The following DOCK3 variants were observed in gnomAD, a reference collection of about 807,000 sequenced individuals.
The protein encoded by DOCK3 is dedicator of cytokinesis protein 3.
In DOCK3, 60 loss-of-function variants were observed where a neutral mutation model predicts 265.6. That is an observed-to-expected ratio of 0.23 (90% confidence interval 0.18 to 0.28). The LOEUF (loss-of-function observed/expected upper bound fraction) is 0.28, where lower values mean the gene tolerates loss of function less well. Among genes scored for constraint, DOCK3 ranks in the 10% least tolerant of loss-of-function variants. DOCK3 has a pLI of 1.00. For synonymous variants in DOCK3, 881 were observed against 938.0 expected, an observed-to-expected ratio of 0.94 and a Z score of 1.11; for missense variants, 1,981 against 2,594.3, an observed-to-expected ratio of 0.76 and a Z score of 5.14.
chr3:51,115,676 T>G (rs2083703947), intron 9 of DOCK3, among the ~76,000 whole-genome samples: 1 of 152,230 alleles, frequency 6.6e-6, no homozygotes, highest in Admixed American at 6.5e-5. Context: ...TTTTGGCTTT[T>G]GTTGCCATTG....
chr3:51,002,808 T>C (rs2078534638), intron 5 of DOCK3, among the ~76,000 whole-genome samples: 1 of 152,210 alleles, frequency 6.6e-6, no homozygotes, highest in Non-Finnish European at 1.5e-5. Flanking sequence ...CTTAATGATC[T>C]TAGACAAATT....
intron 19 of DOCK3, among the ~76,000 whole-genome samples, chr3:51,229,858 G>A (rs891657707): frequency 4.6e-5 from 7 of 152,148 alleles, no homozygotes; most frequent in African/African-American, 1.4e-4. Context: ...CAGAATATAT[G>A]TTCACAAAGT....
intron 9 of DOCK3, among the ~76,000 whole-genome samples, chr3:51,144,307 C>T (rs2085197322): frequency 6.6e-6 from 1 of 152,168 alleles, no homozygotes; most frequent in Non-Finnish European, 1.5e-5. Context: ...GCATCTTTCT[C>T]TACCATTTCA....
At chr3:50,803,882 G>A (rs1352608509) in intron 2 of DOCK3, among the ~76,000 whole-genome samples, 2 of 151,346 alleles carry the variant, frequency 1.3e-5, no homozygotes, top group East Asian at 3.9e-4. Context: ...GCCGGGCGGG[G>A]GCTGTCCCCC....
At chr3:51,017,585 C>A (rs948819056) in intron 5 of DOCK3, among the ~76,000 whole-genome samples, 15 of 151,764 alleles carry the variant, frequency 9.9e-5, no homozygotes, top group South Asian at 2.1e-4. Context: ...AGAAAATTTT[C>A]AATTTCCTTC....
intron 4 of DOCK3, among the ~76,000 whole-genome samples, chr3:50,893,645 A>C (rs1173097983): frequency 6.6e-6 from 1 of 152,036 alleles, no homozygotes; most frequent in African/African-American, 2.4e-5. Context: ...CAATATGCTC[A>C]ATATGGAATT....
chr3:50,910,439 G>A (rs918029202), intron 4 of DOCK3, among the ~76,000 whole-genome samples: 3 of 152,128 alleles, frequency 2.0e-5, no homozygotes, highest in African/African-American at 7.3e-5. Flanking sequence ...TGCACCCCAA[G>A]TCCAGCAGCT....
chr3:50,710,469 T>G (rs2036687435), intron 1 of DOCK3, among the ~76,000 whole-genome samples: 1 of 152,128 alleles, frequency 6.6e-6, no homozygotes, highest in Admixed American at 6.5e-5. Flanking sequence ...GATACCACCT[T>G]ACTCCTGCAA....
intron 14 of DOCK3, among the ~76,000 whole-genome samples, chr3:51,215,132 C>CA (rs2089712806): frequency 6.6e-6 from 1 of 152,076 alleles, no homozygotes; most frequent in Non-Finnish European, 1.5e-5. Flanking sequence ...TGTTTTGAGA[C>CA]AGTCTTACTC....
chr3:51,051,144 G>T (rs1260915513), intron 5 of DOCK3, among the ~76,000 whole-genome samples: 1 of 152,120 alleles, frequency 6.6e-6, no homozygotes, highest in African/African-American at 2.4e-5. Context: ...AGAGGGTACA[G>T]AATTTCTTTA....
At chr3:51,239,922 G>A (rs1382159773) in intron 21 of DOCK3, among the ~76,000 whole-genome samples, 1 of 151,874 alleles carries the variant, frequency 6.6e-6, no homozygotes, top group Non-Finnish European at 1.5e-5. Flanking sequence ...TCTTTTGAAT[G>A]GTTTTTTGTG....
At chr3:51,315,151 G>A (rs762583214) in intron 32 of DOCK3, 23 bp downstream of exon 32, 3 of 1,578,744 alleles carry the variant, frequency 1.9e-6, no homozygotes, top group Non-Finnish European at 1.7e-6. Context: ...GCAGTGTTCG[G>A]GGTATTCTCT....
At chr3:50,903,735 A>G (rs2107833925) in intron 4 of DOCK3, among the ~76,000 whole-genome samples, 1 of 152,176 alleles carries the variant, frequency 6.6e-6, no homozygotes, top group East Asian at 1.9e-4. Context: ...GTTTTAGTAG[A>G]AATGGTACCA....
rs762181277 is a variant in DOCK3 at position 51,356,214 on chromosome 3, C to G, written c.4375C>G (p.Pro1459Ala). Residue 1459 changes from proline (P) to alanine (A), a missense_variant, in exon 42 of 53, where the codon CCT (proline) becomes GCT (alanine). Around this residue, in one of 4 missense-constraint regions of DOCK3, gnomAD observed 1,357 missense variants for 1,866.8 expected, o/e 0.73. Transcript: ENST00000266037. ...TGTGAGGAAGTTCCGGTATGACAGG[C>G]CTTTTCACAAAGGCCCCAAGGACAA... Reference protein sequence around the residue: ...NNVRKFRYDRPFHKGPKDKEN... With the variant: ...NNVRKFRYDRAFHKGPKDKEN... The G allele has an allele frequency of 2.5e-6, 4 of 1,613,970 alleles. No homozygotes were observed.
intron 1 of DOCK3, among the ~76,000 whole-genome samples, chr3:50,769,491 C>T (rs994333410): frequency 1.1e-4 from 17 of 152,072 alleles, no homozygotes; most frequent in African/African-American, 3.9e-4. Flanking sequence ...AAGATGCCCA[C>T]TTTGACCACT....
At chr3:50,681,559 G>A (rs2034412425) in intron 1 of DOCK3, among the ~76,000 whole-genome samples, 1 of 152,044 alleles carries the variant, frequency 6.6e-6, no homozygotes. Flanking sequence ...GGAGAAGCAA[G>A]CATTTTTTTC....
intron 5 of DOCK3, among the ~76,000 whole-genome samples, chr3:51,056,572 G>A (rs1421165457): frequency 6.6e-6 from 1 of 152,096 alleles, no homozygotes; most frequent in Non-Finnish European, 1.5e-5. Flanking sequence ...TTGACATAAA[G>A]GTCATTAGGG....
intron 11 of DOCK3, 54 bp from the exon 12 acceptor site, chr3:51,160,501 C>A (rs1403048840): frequency 2.8e-5 from 43 of 1,541,690 alleles, no homozygotes; most frequent in Non-Finnish European, 3.7e-5. Flanking sequence ...TTAGGTGATA[C>A]TGGAGAGGAG....
At chr3:50,995,229 A>G (rs1025261428) in intron 5 of DOCK3, among the ~76,000 whole-genome samples, 1 of 152,244 alleles carries the variant, frequency 6.6e-6, no homozygotes, top group Non-Finnish European at 1.5e-5. Flanking sequence ...AAACTTTTAC[A>G]TCTACAATAA....
Sources: gnomAD v4.1 joint callset for allele counts (sites outside exome capture counted in the v4.1 genomes callset) on GRCh38, gnomAD v4.1.1 for gene constraint, gnomAD v4.1.1 regional missense constraint, MANE v1.5 for transcripts, NCBI Gene and HGNC (gene_info 2026-07-23, HGNC 2026-07-21) for gene names.